The following WDFY3 variants were observed in gnomAD, a reference collection of about 807,000 sequenced individuals.
WDFY3 encodes WD repeat and FYVE domain containing 3.
WDFY3 carries 66 observed loss-of-function variants against 409.6 expected under a neutral mutation model. That is an observed-to-expected ratio of 0.16 (90% CI 0.13 to 0.20). WDFY3 has a LOEUF of 0.20. Ranked by LOEUF, WDFY3 falls within the 10% of genes least tolerant of loss-of-function variation. The pLI is 1.00. For missense variants in WDFY3, 3,031 were observed against 4,298.1 expected (o/e 0.71, Z 8.24); for synonymous variants, 1,521 against 1,537.1 (o/e 0.99, Z 0.25).
chr4:84,841,370 A>G (rs1351810867), intron 5 of WDFY3, 107 bp from the exon 6 acceptor site: 8 of 857,146 alleles, frequency 9.3e-6, no homozygotes, highest in African/African-American at 1.7e-5. Context: ...ACATAATTAT[A>G]TCAGCACTAT....
chr4:84,863,641 T>G (rs1359504406), intron 3 of WDFY3, among the ~76,000 whole-genome samples: 3 of 152,200 alleles, frequency 2.0e-5, no homozygotes. Context: ...ATCATGAGGC[T>G]CTCCCTGTTT....
At chr4:84,893,896 A>T (rs531655066) in intron 3 of WDFY3, among the ~76,000 whole-genome samples, 3 of 152,158 alleles carry the variant, frequency 2.0e-5, no homozygotes, top group African/African-American at 7.2e-5. Context: ...AGGCTGAGGC[A>T]GAGAATTTCT....
intron 1 of WDFY3, among the ~76,000 whole-genome samples, chr4:84,951,935 A>C (rs1446813437): frequency 6.6e-6 from 1 of 152,360 alleles, no homozygotes; most frequent in Admixed American, 6.5e-5. Flanking sequence ...TTTTGATGAA[A>C]GTTTTAGTCA....
chr4:84,785,696 T>C lies in WDFY3; in HGVS notation c.4062+283A>G, dbSNP rs187085030. ...AGTTGAGTTGTAGCCTTAAAAACAG[T>C]AATTGTTTTCATTAGTTTTCTAAAG... On this transcript the variant is annotated intron_variant, in intron 24 of 67. Coordinates refer to ENST00000295888, the MANE Select transcript of WDFY3 (RefSeq NM_014991.6). Among the ~76,000 whole-genome samples the C allele has an allele frequency of 9.8e-5, 15 of 152,298 alleles. 1 individual carries two copies. The highest frequency in any genetic ancestry group is 9.8e-4 in the Admixed American group (15 of 15,294).
At chr4:84,958,920 AT>A (rs1579294570) in intron 1 of WDFY3, among the ~76,000 whole-genome samples, 3 of 152,322 alleles carry the variant, frequency 2.0e-5, no homozygotes, top group South Asian at 2.1e-4. Context: ...TCAGACCTCT[AT>A]AAATGGCAAA....
At chr4:84,712,373 T>TAAAAA (rs998951453) in intron 51 of WDFY3, among the ~76,000 whole-genome samples, 5 of 75,090 alleles carry the variant, frequency 6.7e-5, no homozygotes, top group South Asian at 4.0e-4. Flanking sequence ...AGAAAAAAAT[T>TAAAAA]AAAAAAAAAA....
Position 84,765,081 on chromosome 4 carries a change from C to G in WDFY3, c.5188+729G>C, listed in dbSNP as rs545637384. On this transcript the variant is annotated intron_variant, in intron 32 of 67. Transcript: ENST00000295888. The stretch of plus-strand genomic sequence containing the variant: ...CACACAAACAATTAGATATGATTTA[C>G]AAGGCAATGTTACATGACAAATGTA... 4.6e-5 allele frequency among the ~76,000 whole-genome samples: 7 copies of G among 152,212 alleles called. No individual in the cohort carries two copies. The East Asian group carries it at 1.4e-3, about 29-fold the overall frequency.
At chr4:84,678,134 T>C (rs767453678) in intron 66 of WDFY3, 34 bp downstream of exon 66, 4 of 1,551,084 alleles carry the variant, frequency 2.6e-6, no homozygotes. Context: ...ATGACTCAGA[T>C]GGGAAGCGGA....
intron 53 of WDFY3, among the ~76,000 whole-genome samples, chr4:84,706,934 ACTT>A (rs1246944559): frequency 6.2e-5 from 9 of 144,850 alleles, no homozygotes; most frequent in East Asian, 2.0e-4. Flanking sequence ...ATTTATTTTT[ACTT>A]CTTTTTTTTT....
intron 67 of WDFY3, among the ~76,000 whole-genome samples, chr4:84,675,084 C>T (rs1726043826): frequency 6.6e-6 from 1 of 151,708 alleles, no homozygotes; most frequent in Non-Finnish European, 1.5e-5. Context: ...GATTCTCTCG[C>T]CTCAACCTCC....
chr4:84,754,813 C>A (rs1275529357), intron 34 of WDFY3, among the ~76,000 whole-genome samples: 1 of 152,094 alleles, frequency 6.6e-6, no homozygotes, highest in African/African-American at 2.4e-5. Flanking sequence ...ACATATACTA[C>A]AAATATGTAC....
chr4:84,950,256 G>A (rs1347019178), intron 1 of WDFY3, among the ~76,000 whole-genome samples: 2 of 151,888 alleles, frequency 1.3e-5, no homozygotes, highest in Admixed American at 6.6e-5. Flanking sequence ...CGGGGGTTGG[G>A]GGGCAAGGGG....
Position 84,803,220 on chromosome 4 carries a change from A to G in WDFY3, c.2607+70T>C, listed in dbSNP as rs1750934394. 11 of 1,461,758 alleles carry G rather than the reference A, an allele frequency of 7.5e-6. No individual in the cohort carries two copies. The South Asian group carries it at 1.5e-4, about 21-fold the overall frequency. 90.5% of individuals were successfully genotyped at this position (1,461,758 alleles called of 1,614,324 possible). On this transcript the variant is annotated intron_variant, in intron 16 of 67. Coordinates refer to ENST00000295888, the MANE Select transcript of WDFY3 (RefSeq NM_014991.6). ...ACTTTCTTCCTCAACCCCCTAGCTC[A>G]TATAATCATACTCACATCCTTTCAT... is the stretch of plus-strand genomic sequence containing the variant.
rs1730791979 is a variant in WDFY3, at chr4:84,699,857, T to C, written c.8596+2496A>G. 2.0e-5 allele frequency among the ~76,000 whole-genome samples: 3 copies of C among 152,058 alleles called. No individual in the cohort carries two copies. In the South Asian group the frequency reaches 6.2e-4, roughly 32 times the overall value. On this transcript the variant is annotated intron_variant, in intron 56 of 67. Transcript: ENST00000295888. The stretch of plus-strand genomic sequence containing the variant: ...GTTTACTGGCCATCTGTATAACTTA[T>C]TTGGGAAATTGTCTATTCAAGCCCT...
intron 1 of WDFY3, among the ~76,000 whole-genome samples, chr4:84,940,742 T>C (rs1482692038): frequency 9.2e-5 from 14 of 152,058 alleles, no homozygotes; most frequent in Admixed American, 9.2e-4. Flanking sequence ...AGAAATTTCA[T>C]ATTTTTTGTG....
intron 3 of WDFY3, among the ~76,000 whole-genome samples, chr4:84,881,090 A>G (rs541701378): frequency 1.3e-5 from 2 of 152,142 alleles, no homozygotes; most frequent in Non-Finnish European, 2.9e-5. Flanking sequence ...GTTTTTCAAT[A>G]TAGCCTTATT....
At chr4:84,870,447 C>T (rs906498580) in intron 3 of WDFY3, among the ~76,000 whole-genome samples, 12 of 152,088 alleles carry the variant, frequency 7.9e-5, no homozygotes, top group African/African-American at 2.9e-4. Context: ...GTGGGACAAA[C>T]TGGTGGTGGT....
chr4:84,938,032 T>C (rs1255547021), intron 1 of WDFY3, among the ~76,000 whole-genome samples: 1 of 152,170 alleles, frequency 6.6e-6, no homozygotes, highest in African/African-American at 2.4e-5. Context: ...TAAGGGTTAT[T>C]TGGATATAAG....
In WDFY3 at chr4:84,757,132, T is replaced by G; in HGVS notation, c.5218A>C (p.Arg1740=). ...CGGTTAATCTCCCTGACCGTCGATC[T>G]CCCACCAGCACTTCTGCCCACGTTG... ...GFNVGRSAGG[R]STVREINRDA... is the part of the protein sequence containing the mutation. The change falls in exon 33 of 68, where the codon AGA becomes CGA. Residue 1740 remains arginine, a synonymous_variant. Transcript: ENST00000295888. 1 of 1,614,028 alleles carries G rather than the reference T, an allele frequency of 6.2e-7. No homozygotes were observed. The highest frequency in any genetic ancestry group is 1.1e-5 in the South Asian group (1 of 91,078).
Sources: allele counts gnomAD v4.1 joint callset (sites outside exome capture counted in the v4.1 genomes callset), GRCh38; gene constraint gnomAD v4.1.1; transcripts MANE v1.5; gene names NCBI Gene and HGNC (gene_info 2026-07-23, HGNC 2026-07-21).